KL: variants seen among roughly 807,000 people sequenced by gnomAD.
KL encodes the protein klotho.
Under a neutral mutation model 84.2 loss-of-function variants are expected in KL, and 62 were observed. The observed-to-expected ratio is 0.74, with a 90% CI of 0.60 to 0.91. The LOEUF is 0.91. Ranked by LOEUF, KL falls within the 40% of genes least tolerant of loss-of-function variation. The probability of loss-of-function intolerance (pLI) is 0.00; values close to 1 mark genes in which losing one functional copy is unlikely to be tolerated. For synonymous variants in KL, 528 were observed against 528.0 expected, an observed-to-expected ratio of 1.00 and a Z score of 0.00; for missense variants, 1,261 against 1,305.7, an observed-to-expected ratio of 0.97 and a Z score of 0.53.
At chr13:33,039,483 G>A (rs1871259020) in intron 1 of KL, among the ~76,000 whole-genome samples, 1 of 152,116 alleles carries the variant, frequency 6.6e-6, no homozygotes, top group South Asian at 2.1e-4. Flanking sequence ...CACCAACTTA[G>A]GAAGAACTAT....
Position 33,060,908 on chromosome 13 carries a change from A to G in KL, c.1829A>G (p.Gln610Arg). 6.2e-7 allele frequency: 1 copy of G among 1,614,156 alleles called. No individual in the cohort carries two copies. Among genetic ancestry groups the G allele is most frequent in the Non-Finnish European group, 8.5e-7 (1 of 1,179,982 alleles). Reference sequence around the variant, plus strand: ...ATTCTCCCTCTGGGTAACCAGTCCCAGGTGAACCACACCATCCTGCAGTAC... The same window carrying G: ...ATTCTCCCTCTGGGTAACCAGTCCCGGGTGAACCACACCATCCTGCAGTAC... The part of the protein sequence containing the change: ...ALILPLGNQS[Q>R]VNHTILQYYR... The change falls in exon 4 of 5, where the codon CAG (glutamine) becomes CGG (arginine). Residue 610 changes from glutamine to arginine, a missense_variant. Physicochemically the swap from Gln to Arg is conservative, Grantham distance 43. Coordinates refer to ENST00000380099, the MANE Select transcript of KL (RefSeq NM_004795.4).
At chr13:33,021,657 T>C (rs911262220) in intron 1 of KL, among the ~76,000 whole-genome samples, 1 of 151,728 alleles carries the variant, frequency 6.6e-6, no homozygotes, top group Admixed American at 6.6e-5. Context: ...CTGAGGCGGG[T>C]GGATCACCTG....
chr13:33,063,279 G>A lies in KL; in HGVS notation c.2702-570G>A, dbSNP rs569142381. Among the ~76,000 whole-genome samples, 5 of 151,104 alleles carry A rather than the reference G, an allele frequency of 3.3e-5. No homozygotes were observed. The South Asian group carries it at 1.0e-3, about 32-fold the overall frequency. ...AAAAAAAAAAAACACATACACACAC[G>A]AAAAGCAAGTGACCAAAAGCAAGCA... On this transcript the variant is annotated intron_variant, in intron 4 of 4. Coordinates refer to ENST00000380099, the MANE Select transcript of KL (RefSeq NM_004795.4).
intron 1 of KL, 136 bp downstream of exon 1, chr13:33,017,395 A>G (rs1870408600): frequency 1.2e-6 from 1 of 846,568 alleles, no homozygotes; most frequent in Non-Finnish European, 1.8e-6. Context: ...ACCGGGGGAA[A>G]CTGAGCAGTT....
rs1218739694 is a variant in KL at position 33,061,047 on chromosome 13, C to G, written c.1968C>G (p.Ala656=). The G allele has an allele frequency of 7.4e-6, 12 of 1,611,948 alleles. No individual in the cohort carries two copies. Among genetic ancestry groups the G allele is most frequent in the Middle Eastern group, 1.7e-4 (1 of 6,056 alleles). ...GLPRLLARQG[A]WENPYTALAF... ...CGCGCCTCCTGGCCAGGCAGGGCGC[C>G]TGGGAGAACCCCTACACTGCCCTGG... Residue 656 remains alanine (A), a synonymous_variant, in exon 4 of 5, where the codon GCC becomes GCG. Coordinates refer to ENST00000380099, the MANE Select transcript of KL (RefSeq NM_004795.4).
At chr13:33,025,722 T>C (rs1430554028) in intron 1 of KL, among the ~76,000 whole-genome samples, 1 of 152,204 alleles carries the variant, frequency 6.6e-6, no homozygotes, top group Non-Finnish European at 1.5e-5. Context: ...AGACACTGAA[T>C]TTTGTTCATG....
intron 3 of KL, among the ~76,000 whole-genome samples, chr13:33,060,378 G>A (rs1000674330): frequency 2.0e-5 from 3 of 151,798 alleles, no homozygotes; most frequent in Non-Finnish European, 2.9e-5. Context: ...ACATAACACC[G>A]ACAAGTAGTG....
At chr13:33,062,794 G>A (rs1374489369) in intron 4 of KL, among the ~76,000 whole-genome samples, 1 of 151,380 alleles carries the variant, frequency 6.6e-6, no homozygotes, top group Non-Finnish European at 1.5e-5. Flanking sequence ...ATCAATCACT[G>A]TGACACAGGT....
chr13:33,053,643 A>G, intron 1 of KL, 124 bp from the exon 2 acceptor site: 2 of 927,424 alleles, frequency 2.2e-6, no homozygotes, highest in Admixed American at 4.1e-5. Context: ...GCTGATTTTT[A>G]TATTGTTAGT....
intron 3 of KL, among the ~76,000 whole-genome samples, chr13:33,058,543 T>G (rs992797232): frequency 3.3e-5 from 5 of 152,074 alleles, no homozygotes; most frequent in Admixed American, 1.3e-4. Flanking sequence ...GGTTTCACTG[T>G]GTTAGCCAGG....
In KL at chr13:33,061,315, A is replaced by G; in HGVS notation, c.2236A>G (p.Lys746Glu). ...EPACPFSQKD[K>E]EVAERVLEFD... is the part of the protein sequence containing the mutation. ...TGCCTGCCCTTTCTCCCAAAAGGAC[A>G]AAGAGGTGGCTGAGAGAGTTTTGGA... The change falls in exon 4 of 5, where the codon AAA (lysine) becomes GAA (glutamate). Residue 746 changes from lysine (K) to glutamate (E), a missense_variant. Physicochemically the swap from Lys to Glu is moderately conservative, Grantham distance 56. Transcript: ENST00000380099. The G allele has an allele frequency of 1.9e-6, 3 of 1,614,228 alleles. No individual in the cohort carries two copies. The highest frequency in any genetic ancestry group is 1.1e-5 in the South Asian group (1 of 91,086).
chr13:33,059,867 A>G (rs1202971101), intron 3 of KL, among the ~76,000 whole-genome samples: 1 of 152,186 alleles, frequency 6.6e-6, no homozygotes, highest in African/African-American at 2.4e-5. Context: ...TTTATTTAGC[A>G]CTTCCTCTAC....
intron 1 of KL, among the ~76,000 whole-genome samples, chr13:33,027,735 A>G (rs1452857552): frequency 6.6e-6 from 1 of 152,114 alleles, no homozygotes; most frequent in African/African-American, 2.4e-5. Context: ...TTGAAGCACC[A>G]TTTGTGCAAG....
chr13:33,055,150 T>C lies in KL; in HGVS notation c.1434T>C (p.Tyr478=), dbSNP rs372711699. 6.2e-7 allele frequency: 1 copy of C among 1,614,220 alleles called. No homozygotes were observed. The highest frequency in any genetic ancestry group is 8.5e-7 in the Non-Finnish European group (1 of 1,180,040). Residue 478 remains tyrosine (Y), a synonymous_variant, in exon 3 of 5, where the codon TAT becomes TAC. Transcript: ENST00000380099. ...RGYSIRRGLF[Y]VDFLSQDKML... ...ACAGCATCAGGCGTGGACTCTTCTATGTTGACTTTCTAAGCCAGGACAAGA... is the reference window on the plus strand; with the variant it reads ...ACAGCATCAGGCGTGGACTCTTCTACGTTGACTTTCTAAGCCAGGACAAGA...
chr13:33,060,492 G>A (rs1246123818), intron 3 of KL, among the ~76,000 whole-genome samples, 187 bp from the exon 4 acceptor site: 1 of 152,192 alleles, frequency 6.6e-6, no homozygotes, highest in African/African-American at 2.4e-5. Context: ...TAAAGCGAGT[G>A]TGCATATCAG....
At chr13:33,052,711 T>G (rs1871799141) in intron 1 of KL, among the ~76,000 whole-genome samples, 1 of 152,170 alleles carries the variant, frequency 6.6e-6, no homozygotes, top group African/African-American at 2.4e-5. Context: ...ACAAAGGAGT[T>G]TCTGCAGGCC....
intron 1 of KL, among the ~76,000 whole-genome samples, chr13:33,025,732 G>A (rs1244555888): frequency 6.6e-6 from 1 of 152,174 alleles, no homozygotes; most frequent in African/African-American, 2.4e-5. Context: ...TTTTGTTCAT[G>A]CCGCCCAAGA....
chr13:33,016,354 G>A (rs1870320263), upstream of KL: 1 of 162,700 alleles, frequency 6.1e-6, no homozygotes, highest in Non-Finnish European at 1.3e-5. Context: ...GCGGGGGTGG[G>A]CGCGCCGGCG....
At chr13:33,022,872 C>T (rs1870625256) in intron 1 of KL, among the ~76,000 whole-genome samples, 1 of 152,162 alleles carries the variant, frequency 6.6e-6, no homozygotes, top group Non-Finnish European at 1.5e-5. Flanking sequence ...TCAACGTGTC[C>T]ATATTCTTTC....
Sources: allele counts gnomAD v4.1 joint callset (sites outside exome capture counted in the v4.1 genomes callset), GRCh38; gene constraint gnomAD v4.1.1; transcripts MANE v1.5; gene names NCBI Gene and HGNC (gene_info 2026-07-23, HGNC 2026-07-21).